The following TTC6 variants were observed in gnomAD, a reference collection of about 807,000 sequenced individuals.
TTC6 encodes the protein tetratricopeptide repeat protein 6.
Under a neutral mutation model 210.4 loss-of-function variants are expected in TTC6, and 172 were observed. The ratio of observed to expected loss-of-function variants is 0.82; its 90% confidence interval spans 0.72 to 0.93. The LOEUF (loss-of-function observed/expected upper bound fraction) is 0.93. Among genes scored for constraint, TTC6 ranks in the 40% least tolerant of loss-of-function variants. The pLI is 0.00. For missense variants in TTC6, 2,414 were observed against 2,318.1 expected (o/e 1.04, Z -0.85); for synonymous variants, 804 against 819.6 (o/e 0.98, Z 0.32).
At chr14:37,748,758 A>T (rs2095943313) in intron 10 of TTC6, among the ~76,000 whole-genome samples, 181 bp from the exon 13 acceptor site, 1 of 152,200 alleles carries the variant, frequency 6.6e-6, no homozygotes, top group South Asian at 2.1e-4. Flanking sequence ...CATAAACTTG[A>T]GGGAGATTCT....
At chr14:37,751,269 T>A (rs2095951133) in intron 13 of TTC6, 44 bp downstream of exon 15, 2 of 1,400,398 alleles carry the variant, frequency 1.4e-6, no homozygotes, top group Admixed American at 2.4e-5. Flanking sequence ...ATAGTTTAGA[T>A]TGCGATATCC....
intron 1 of TTC6, among the ~76,000 whole-genome samples, chr14:37,640,351 A>G (rs529672226): frequency 2.6e-5 from 4 of 152,284 alleles, no homozygotes; most frequent in South Asian, 4.1e-4. Flanking sequence ...TATGCATACC[A>G]GAGTTTAAGA....
exon 23 of TTC6, chr14:37,807,403 T>A (rs1232578980): frequency 6.5e-7 from 1 of 1,530,420 alleles, no homozygotes; most frequent in East Asian, 2.4e-5. Flanking sequence ...CTATTAAAAT[T>A]TACCCTGAAA....
At chr14:37,801,965 T>C (rs567210120) in intron 20 of TTC6, 2 of 152,336 alleles carry the variant, frequency 1.3e-5, no homozygotes, top group South Asian at 4.1e-4. Flanking sequence ...TGCAGCACTA[T>C]TCACAATAGC....
chr14:37,632,712 A>AC (rs1242927031), intron 1 of TTC6, among the ~76,000 whole-genome samples: 1 of 152,044 alleles, frequency 6.6e-6, no homozygotes, highest in African/African-American at 2.4e-5. Context: ...CTCAAGCTGC[A>AC]CCCCCAGCCG....
intron 1 of TTC6, among the ~76,000 whole-genome samples, chr14:37,599,039 C>G (rs2095610150): frequency 6.6e-6 from 1 of 151,828 alleles, no homozygotes; most frequent in Non-Finnish European, 1.5e-5. Context: ...CCGACCCCAA[C>G]TGGGACACGG....
At chr14:37,788,741 C>G (rs953458682) in intron 15 of TTC6, among the ~76,000 whole-genome samples, 1 of 152,144 alleles carries the variant, frequency 6.6e-6, no homozygotes, top group South Asian at 2.1e-4. Flanking sequence ...AGTGTAACAT[C>G]AACACAAACC....
At chr14:37,634,146 G>A (rs2086360353) in intron 1 of TTC6, among the ~76,000 whole-genome samples, 1 of 152,158 alleles carries the variant, frequency 6.6e-6, no homozygotes, top group Admixed American at 6.5e-5. Flanking sequence ...AGATGACAGA[G>A]ATGTTGGAAT....
chr14:37,806,506 A>G, exon 22 of TTC6: 1 of 1,529,072 alleles, frequency 6.5e-7, no homozygotes, highest in Non-Finnish European at 8.8e-7. Flanking sequence ...CCAAAACATT[A>G]CCAGGTATTT....
chr14:37,811,168 T>TC (rs1167516158), intron 24 of TTC6, among the ~76,000 whole-genome samples: 1 of 152,168 alleles, frequency 6.6e-6, no homozygotes, highest in Non-Finnish European at 1.5e-5. Context: ...AGTTTTTATT[T>TC]CCTCCTGTAT....
intron 14 of TTC6, among the ~76,000 whole-genome samples, chr14:37,770,052 C>T (rs1350380574): frequency 7.2e-5 from 11 of 152,240 alleles, no homozygotes; most frequent in Non-Finnish European, 1.0e-4. Flanking sequence ...GCCTTCATTT[C>T]GTTATGTACC....
At chr14:37,803,485 G>A (rs2096111589) in intron 20 of TTC6, among the ~76,000 whole-genome samples, 1 of 152,204 alleles carries the variant, frequency 6.6e-6, no homozygotes, top group Admixed American at 6.5e-5. Flanking sequence ...TAGTGAAAGA[G>A]AGAGAGATGG....
intron 5 of TTC6, 31 bp from the exon 8 acceptor site, chr14:37,714,624 A>C: frequency 6.6e-7 from 1 of 1,522,202 alleles, no homozygotes; most frequent in East Asian, 2.5e-5. Flanking sequence ...ATTACTTAAA[A>C]AGCAAACTTA....
At chr14:37,622,882 T>G (rs540857015) in exon 1 of TTC6, 1 of 1,534,994 alleles carries the variant, frequency 6.5e-7, no homozygotes, top group South Asian at 1.2e-5. Context: ...TCCCGCGTGA[T>G]CCCCACGTCC....
intron 14 of TTC6, among the ~76,000 whole-genome samples, chr14:37,776,479 C>G (rs1405940086): frequency 6.6e-6 from 1 of 152,032 alleles, no homozygotes; most frequent in Admixed American, 6.6e-5. Flanking sequence ...ATTTAGCATT[C>G]CCTTCAGGAC....
chr14:37,789,488 G>A (rs1218477990), intron 15 of TTC6, among the ~76,000 whole-genome samples: 5 of 151,198 alleles, frequency 3.3e-5, no homozygotes, highest in African/African-American at 4.9e-5. Context: ...AAAACGGACT[G>A]TATATACTAT....
chr14:37,800,457 T>A (rs2096103837), intron 20 of TTC6, among the ~76,000 whole-genome samples: 1 of 151,938 alleles, frequency 6.6e-6, no homozygotes, highest in African/African-American at 2.4e-5. Context: ...ATGAGGAAAA[T>A]TTTCAACTTC....
rs533818869 is a variant in TTC6 at position 37,666,969 on chromosome 14, A to G, written c.940-13182A>G. On this transcript the variant is annotated intron_variant, in intron 1 of 30. Transcript: ENST00000553443. ...TTATCCAGGCTGATTTTATTATTAT[A>G]TGTTCATTATTACTATATCTATTTT... Among the ~76,000 whole-genome samples, 12 of 150,064 alleles carry G rather than the reference A, an allele frequency of 8.0e-5. No homozygotes were observed. The East Asian group carries it at 2.3e-3, about 29-fold the overall frequency.
At chr14:37,726,048 A>G (rs72674288) in intron 7 of TTC6, among the ~76,000 whole-genome samples, 2,560 of 152,078 alleles carry the variant, frequency 0.017, 39 homozygotes, top group Non-Finnish European at 0.028. Context: ...TTGGTTTGTA[A>G]AAATTCTTCT....
Sources: gnomAD v4.1 joint callset for allele counts (sites outside exome capture counted in the v4.1 genomes callset) on GRCh38, gnomAD v4.1.1 for gene constraint, MANE v1.5 for transcripts, NCBI Gene and HGNC (gene_info 2026-07-23, HGNC 2026-07-21) for gene names.